The following NIM1K variants were observed in gnomAD, a reference collection of about 807,000 sequenced individuals.
NIM1K encodes the protein NIM1 serine/threonine protein kinase, also known as serine/threonine-protein kinase NIM1.
In NIM1K, 35 loss-of-function variants were observed where a neutral mutation model predicts 37.1. That is an observed-to-expected ratio of 0.94 (90% CI 0.72 to 1.25). The LOEUF (loss-of-function observed/expected upper bound fraction) is 1.25, where lower values mean the gene tolerates loss of function less well. NIM1K is among the 50% of genes most tolerant of loss of function. The pLI, the probability that NIM1K is intolerant of heterozygous loss-of-function variation, is 0.00. For synonymous variants in NIM1K, 234 were observed against 206.6 expected (o/e 1.13, Z -1.14); for missense variants, 564 against 548.0 (o/e 1.03, Z -0.29).
At chr5:43,259,515 G>A (rs770622102) in intron 2 of NIM1K, among the ~76,000 whole-genome samples, 7 of 152,136 alleles carry the variant, frequency 4.6e-5, no homozygotes, top group Non-Finnish European at 8.8e-5. Flanking sequence ...TTTTAATTTG[G>A]ATTTTTGTGA....
At chr5:43,272,948 T>G (rs1753279730) in intron 2 of NIM1K, among the ~76,000 whole-genome samples, 1 of 152,140 alleles carries the variant, frequency 6.6e-6, no homozygotes, top group Non-Finnish European at 1.5e-5. Context: ...TAACCTTGCT[T>G]TGCTATTACC....
chr5:43,244,281 T>A (rs1178054088), intron 1 of NIM1K, among the ~76,000 whole-genome samples: 1 of 152,358 alleles, frequency 6.6e-6, no homozygotes, highest in East Asian at 1.9e-4. Context: ...ACACTTTCTA[T>A]ATGTAAGAAC....
chr5:43,217,479 A>G (rs1406179146), intron 1 of NIM1K, among the ~76,000 whole-genome samples: 1 of 150,228 alleles, frequency 6.7e-6, no homozygotes, highest in Non-Finnish European at 1.5e-5. Context: ...AAAAAAAAAA[A>G]AGTCCTGCAC....
At chr5:43,270,253 A>C (rs1753235349) in intron 2 of NIM1K, among the ~76,000 whole-genome samples, 1 of 152,194 alleles carries the variant, frequency 6.6e-6, no homozygotes, top group South Asian at 2.1e-4. Context: ...GTGATGATGG[A>C]AACAATCCAG....
chr5:43,232,984 CTGGGCACATGCT>C, intron 1 of NIM1K: 2 of 1,152,764 alleles, frequency 1.7e-6, no homozygotes, highest in Non-Finnish European at 2.6e-6. Context: ...AAACACTGCC[CTGGGCACATGCT>C]TGCCGGAGCC....
rs56888371 is a variant in NIM1K at position 43,213,280 on chromosome 5, G to C, written c.-695+20869G>C. 5.0e-3 allele frequency among the ~76,000 whole-genome samples: 286 copies of C among 57,684 alleles called. 16 individuals carry two copies. Among genetic ancestry groups the C allele is most frequent in the African/African-American group, 0.014 (217 of 15,026 alleles). 37.8% of individuals were successfully genotyped at this position (57,684 alleles called of 152,430 possible). On this transcript the variant is annotated intron_variant, in intron 1 of 3. Coordinates refer to ENST00000326035, the MANE Select transcript of NIM1K (RefSeq NM_153361.4). ...TCTTTCTTGTTTCTTTTTCTTTCTT[G>C]TTTCCTTTCCTTTTCTTTTCTTTTC...
chr5:43,264,520 C>T (rs951121577), intron 2 of NIM1K, among the ~76,000 whole-genome samples: 3 of 152,128 alleles, frequency 2.0e-5, no homozygotes, highest in Non-Finnish European at 4.4e-5. Context: ...TGTGTCTCTG[C>T]ATGTGAGATG....
At chr5:43,246,554 C>G (rs1427103763) in intron 2 of NIM1K, among the ~76,000 whole-genome samples, 2 of 151,722 alleles carry the variant, frequency 1.3e-5, no homozygotes, top group Admixed American at 1.3e-4. Context: ...GGAGATCCCC[C>G]CGATGGGCGC....
intron 2 of NIM1K, among the ~76,000 whole-genome samples, chr5:43,250,261 T>C: frequency 6.6e-6 from 1 of 152,294 alleles, no homozygotes; most frequent in East Asian, 1.9e-4. Context: ...GTGTATATAT[T>C]ATCTATATAT....
intron 1 of NIM1K, chr5:43,242,789 T>C (rs1161688789): frequency 6.6e-6 from 1 of 151,018 alleles, no homozygotes; most frequent in Non-Finnish European, 1.5e-5. Flanking sequence ...AAGCACAAGT[T>C]CCTGCCCACC....
chr5:43,267,628 T>A (rs1753185103), intron 2 of NIM1K, among the ~76,000 whole-genome samples: 2 of 152,182 alleles, frequency 1.3e-5, no homozygotes, highest in Non-Finnish European at 2.9e-5. Context: ...TTGCTGTATC[T>A]CAGAAGTTTT....
chr5:43,279,120 T>A (rs1353830675), intron 3 of NIM1K, among the ~76,000 whole-genome samples: 4 of 152,216 alleles, frequency 2.6e-5, no homozygotes, highest in African/African-American at 9.7e-5. Flanking sequence ...ACAGGAAGTG[T>A]GTTTCATAGC....
Position 43,237,197 on chromosome 5 carries a change from A to G in NIM1K, c.-694-7885A>G, listed in dbSNP as rs201785556. Among the ~76,000 whole-genome samples, 10 of 152,356 alleles carry G rather than the reference A, an allele frequency of 6.6e-5. No individual in the cohort carries two copies. In the East Asian group the frequency reaches 1.5e-3, roughly 23 times the overall value. On this transcript the variant is annotated intron_variant, in intron 1 of 3. Coordinates refer to ENST00000326035, the MANE Select transcript of NIM1K (RefSeq NM_153361.4). ...AAAAGGTTGCCTAAGAGCCTCGCCCAGAAGTTTTGTAAGTTAAACTCAGAG... is the reference window on the plus strand; with the variant it reads ...AAAAGGTTGCCTAAGAGCCTCGCCCGGAAGTTTTGTAAGTTAAACTCAGAG...
chr5:43,221,695 G>A (rs1280824153), intron 1 of NIM1K, among the ~76,000 whole-genome samples: 3 of 152,292 alleles, frequency 2.0e-5, no homozygotes, highest in East Asian at 3.9e-4. Flanking sequence ...GTTATACAGC[G>A]TTTGCCCTGT....
chr5:43,226,658 A>G (rs998201138), intron 1 of NIM1K, among the ~76,000 whole-genome samples: 8 of 152,212 alleles, frequency 5.3e-5, no homozygotes, highest in African/African-American at 1.9e-4. Context: ...TGGTGAAGAT[A>G]AAGTCATCTT....
intron 3 of NIM1K, 39 bp from the exon 4 acceptor site, chr5:43,279,941 T>G: frequency 6.5e-7 from 1 of 1,529,820 alleles, no homozygotes; most frequent in South Asian, 1.2e-5. Flanking sequence ...TTTGACATTT[T>G]ACTGTAAAAA....
At chr5:43,253,212 A>ATGTGTGTG (rs10603525) in intron 2 of NIM1K, among the ~76,000 whole-genome samples, 40 of 131,740 alleles carry the variant, frequency 3.0e-4, no homozygotes, top group East Asian at 2.0e-3. Flanking sequence ...AATATAATAT[A>ATGTGTGTG]TGTGTGTGTG....
At chr5:43,220,294 T>TC (rs35094149) in intron 1 of NIM1K, among the ~76,000 whole-genome samples, 29 of 47,672 alleles carry the variant, frequency 6.1e-4, no homozygotes, top group Non-Finnish European at 1.6e-3. Context: ...TGGGTATCTC[T>TC]TTTTTTTTTT....
At chr5:43,222,957 G>A (rs186665503) in intron 1 of NIM1K, among the ~76,000 whole-genome samples, 5 of 151,682 alleles carry the variant, frequency 3.3e-5, no homozygotes, top group African/African-American at 7.3e-5. Context: ...TGACCAACAC[G>A]GCGAAACCCC....
Sources: gnomAD v4.1 joint callset for allele counts (sites outside exome capture counted in the v4.1 genomes callset) on GRCh38, gnomAD v4.1.1 for gene constraint, MANE v1.5 for transcripts, NCBI Gene and HGNC (gene_info 2026-07-23, HGNC 2026-07-21) for gene names.